MARCHF1: variants seen among roughly 807,000 people sequenced by gnomAD.
MARCHF1 encodes the protein E3 ubiquitin-protein ligase MARCHF1.
A neutral mutation model predicts 54.2 loss-of-function variants in MARCHF1; 40 were observed. The ratio of observed to expected loss-of-function variants is 0.74; its 90% CI spans 0.57 to 0.96. The LOEUF (loss-of-function observed/expected upper bound fraction) is 0.96. Ranked by LOEUF, MARCHF1 falls within the 40% of genes least tolerant of loss-of-function variation. The pLI, the probability that MARCHF1 is intolerant of heterozygous loss-of-function variation, is 0.00. For synonymous variants in MARCHF1, 236 were observed against 236.3 expected, an observed-to-expected ratio of 1.00 and a Z score of 0.01; for missense variants, 586 against 656.5, an observed-to-expected ratio of 0.89 and a Z score of 1.17.
At chr4:163,968,614 T>C (rs1458702369) in intron 3 of MARCHF1, among the ~76,000 whole-genome samples, 2 of 152,160 alleles carry the variant, frequency 1.3e-5, no homozygotes, top group Non-Finnish European at 2.9e-5. Context: ...TGCTGAGCAC[T>C]TTATAAACAC....
intron 1 of MARCHF1, among the ~76,000 whole-genome samples, chr4:164,266,677 C>A (rs980648058): frequency 1.3e-5 from 2 of 152,048 alleles, no homozygotes; most frequent in African/African-American, 4.8e-5. Flanking sequence ...GTAATTGTTG[C>A]CCATTTCAGG....
At chr4:163,972,354 T>C (rs182254086) in intron 3 of MARCHF1, among the ~76,000 whole-genome samples, 1 of 151,968 alleles carries the variant, frequency 6.6e-6, no homozygotes, top group Admixed American at 6.6e-5. Context: ...TAATAAAAAA[T>C]TTTTTTAAAA....
rs573337814 is a variant in MARCHF1 at position 163,916,211 on chromosome 4, T to C, written c.-38-62042A>G. Among the ~76,000 whole-genome samples the C allele has an allele frequency of 9.2e-5, 14 of 152,288 alleles. No individual in the cohort carries two copies. The South Asian group carries it at 2.7e-3, about 29-fold the overall frequency. On this transcript the variant is annotated intron_variant, in intron 3 of 9. Transcript: ENST00000514618. ...GACCAGTGCAGGCAAAAAGCAACAA[T>C]CACCTTTGTGATATAATGCTGGTTT...
At chr4:164,284,113 T>C (rs555055793) in intron 1 of MARCHF1, among the ~76,000 whole-genome samples, 1 of 151,132 alleles carries the variant, frequency 6.6e-6, no homozygotes, top group East Asian at 2.0e-4. Flanking sequence ...CTGAGAAAGC[T>C]TAGGTCCTGA....
intron 3 of MARCHF1, among the ~76,000 whole-genome samples, chr4:163,922,394 T>C (rs1751451285): frequency 1.3e-5 from 2 of 152,172 alleles, no homozygotes; most frequent in Non-Finnish European, 2.9e-5. Flanking sequence ...CGTTGAGGTT[T>C]TTCATGTTAG....
chr4:163,821,554 A>C (rs1004006055), intron 4 of MARCHF1, among the ~76,000 whole-genome samples: 6 of 152,094 alleles, frequency 3.9e-5, no homozygotes, highest in African/African-American at 1.2e-4. Context: ...GATAAAAATT[A>C]AAAAGTTCAA....
intron 2 of MARCHF1, among the ~76,000 whole-genome samples, chr4:164,022,726 C>G (rs956729358): frequency 6.6e-6 from 1 of 152,212 alleles, no homozygotes; most frequent in Non-Finnish European, 1.5e-5. Flanking sequence ...GGTTCCCCAT[C>G]TCCGTCCAAG....
At chr4:163,811,037 G>A (rs1471689991) in intron 4 of MARCHF1, among the ~76,000 whole-genome samples, 1 of 152,242 alleles carries the variant, frequency 6.6e-6, no homozygotes, top group South Asian at 2.1e-4. Context: ...AGTAAAAGGT[G>A]ATCATAATGG....
At chr4:163,665,626 T>C (rs1743506278) in intron 5 of MARCHF1, among the ~76,000 whole-genome samples, 1 of 152,166 alleles carries the variant, frequency 6.6e-6, no homozygotes. Flanking sequence ...TAAGGTCAAC[T>C]GTGAACTAGT....
chr4:163,720,439 T>G (rs186256075), intron 4 of MARCHF1, among the ~76,000 whole-genome samples: 48 of 152,206 alleles, frequency 3.2e-4, no homozygotes, highest in African/African-American at 1.1e-3. Flanking sequence ...AGCCTTGTAG[T>G]ATAGTTTGAA....
chr4:164,106,034 A>T (rs1020917240), intron 2 of MARCHF1, among the ~76,000 whole-genome samples: 3 of 151,152 alleles, frequency 2.0e-5, no homozygotes, highest in Non-Finnish European at 3.0e-5. Flanking sequence ...ATCACTGGCC[A>T]TCAGAGATAT....
intron 4 of MARCHF1, among the ~76,000 whole-genome samples, chr4:163,768,619 C>G (rs528960002): frequency 6.6e-6 from 1 of 152,050 alleles, no homozygotes; most frequent in Non-Finnish European, 1.5e-5. Flanking sequence ...TTAGGAAATG[C>G]ATGGCTAATT....
At chr4:164,213,209 ATT>A (rs1177389593) in intron 1 of MARCHF1, among the ~76,000 whole-genome samples, 1 of 37,836 alleles carries the variant, frequency 2.6e-5, no homozygotes, top group Non-Finnish European at 4.0e-5. Context: ...TACTTTTATT[ATT>A]ATTATTATTA....
At chr4:164,346,481 T>C (rs1468617263) in intron 1 of MARCHF1, among the ~76,000 whole-genome samples, 1 of 151,790 alleles carries the variant, frequency 6.6e-6, no homozygotes, top group East Asian at 1.9e-4. Flanking sequence ...TACATCACAA[T>C]TGCTAGACTG....
chr4:163,693,331 C>G (rs1744521181), intron 5 of MARCHF1, among the ~76,000 whole-genome samples: 1 of 151,344 alleles, frequency 6.6e-6, no homozygotes, highest in African/African-American at 2.4e-5. Flanking sequence ...TCAAGAAGGA[C>G]CCAGGCTGTT....
intron 1 of MARCHF1, among the ~76,000 whole-genome samples, chr4:164,174,670 G>A (rs1240355685): frequency 6.6e-6 from 1 of 152,108 alleles, no homozygotes. Context: ...TTTCTATTGG[G>A]TTAAAGGTGC....
chr4:164,157,619 GTC>G (rs745310492), intron 1 of MARCHF1, among the ~76,000 whole-genome samples: 12 of 152,154 alleles, frequency 7.9e-5, no homozygotes, highest in Non-Finnish European at 8.8e-5. Context: ...GTCCTACTTT[GTC>G]TCTGTCTAGC....
intron 4 of MARCHF1, among the ~76,000 whole-genome samples, chr4:163,729,684 A>G (rs766415476): frequency 1.3e-5 from 2 of 152,120 alleles, no homozygotes; most frequent in South Asian, 2.1e-4. Context: ...TTTGATGTCT[A>G]TAAGATATGC....
At chr4:163,850,513 G>A (rs974769953) in intron 4 of MARCHF1, among the ~76,000 whole-genome samples, 1 of 152,130 alleles carries the variant, frequency 6.6e-6, no homozygotes, top group Non-Finnish European at 1.5e-5. Flanking sequence ...AAAACTGCTG[G>A]TTTTCTTTCT....
Sources: gnomAD v4.1 joint callset for allele counts (sites outside exome capture counted in the v4.1 genomes callset) on GRCh38, gnomAD v4.1.1 for gene constraint, MANE v1.5 for transcripts, NCBI Gene and HGNC (gene_info 2026-07-23, HGNC 2026-07-21) for gene names.